The following SDK2 variants were observed in gnomAD, a reference collection of about 807,000 sequenced individuals.
SDK2 encodes protein sidekick-2.
In SDK2, 105 loss-of-function variants were observed where a neutral mutation model predicts 253.9. That is an observed-to-expected ratio of 0.41 (90% confidence interval 0.35 to 0.49). SDK2 has a LOEUF of 0.49. Among genes scored for constraint, SDK2 ranks in the 20% least tolerant of loss-of-function variants. SDK2 has a pLI of 0.06. For missense variants in SDK2, 2,608 were observed against 3,003.0 expected (o/e 0.87, Z 3.07); for synonymous variants, 1,249 against 1,234.9 (o/e 1.01, Z -0.24).
chr17:73,624,206 T>A (rs546355793), intron 1 of SDK2, among the ~76,000 whole-genome samples: 6 of 152,218 alleles, frequency 3.9e-5, no homozygotes, highest in African/African-American at 1.2e-4. Context: ...ATAGTTCATA[T>A]TTTTGGGCTG....
rs2063612674 is a variant in SDK2, at chr17:73,467,740, G to A, written c.331+4372C>T. Among the ~76,000 whole-genome samples, 1 of 152,202 alleles carries A rather than the reference G, an allele frequency of 6.6e-6. No homozygotes were observed. Among genetic ancestry groups the A allele is most frequent in the Non-Finnish European group, 1.5e-5 (1 of 68,042 alleles). ...TCAAGGGTCGGAAGGACTTCCTAGG[G>A]CTTTTCTAACTTCCTGGCTTTAGGG... On this transcript the variant is annotated intron_variant, in intron 3 of 44. Transcript: ENST00000392650. The surrounding 1 kb of genome is among the most constrained non-coding windows in gnomAD (Gnocchi z 4.1).
chr17:73,350,063 G>A (rs1406408138), intron 43 of SDK2, among the ~76,000 whole-genome samples, 174 bp downstream of exon 43: 1 of 152,174 alleles, frequency 6.6e-6, no homozygotes, highest in African/African-American at 2.4e-5. Flanking sequence ...TAGTTGTCCT[G>A]CTTGGGCCCC....
chr17:73,588,197 A>ACCCC (rs57740393), intron 1 of SDK2, among the ~76,000 whole-genome samples: 8 of 130,910 alleles, frequency 6.1e-5, no homozygotes, highest in African/African-American at 2.0e-4. Context: ...ACATGGAGAG[A>ACCCC]CCCCCCCCCC....
rs1338874836 is a variant in SDK2 at position 73,465,060 on chromosome 17, A to C, written c.331+7052T>G. Among the ~76,000 whole-genome samples the C allele has an allele frequency of 6.6e-6, 1 of 152,144 alleles. No individual in the cohort carries two copies. The highest frequency in any genetic ancestry group is 2.4e-5 in the African/African-American group (1 of 41,422). On this transcript the variant is annotated intron_variant, in intron 3 of 44. Coordinates refer to ENST00000392650, the MANE Select transcript of SDK2 (RefSeq NM_001144952.2). The surrounding 1 kb of genome is among the most constrained non-coding windows in gnomAD (Gnocchi z 4.2). ...TACTCAGGTAACATGAGTGCTCCAG[A>C]AAGACACATTGATGTTATCAGGAAC...
At chr17:73,591,966 C>A (rs1040346283) in intron 1 of SDK2, among the ~76,000 whole-genome samples, 3 of 152,172 alleles carry the variant, frequency 2.0e-5, no homozygotes, top group Admixed American at 2.0e-4. Context: ...GCACACCCAG[C>A]CTCTCTGGGG....
intron 1 of SDK2, among the ~76,000 whole-genome samples, chr17:73,523,690 C>T (rs981813570): frequency 2.0e-5 from 3 of 152,050 alleles, no homozygotes; most frequent in Non-Finnish European, 2.9e-5. Flanking sequence ...TCCAGAACTG[C>T]GCGACAAGAA....
intron 1 of SDK2, among the ~76,000 whole-genome samples, chr17:73,594,527 G>A (rs561854386): frequency 2.0e-5 from 3 of 152,068 alleles, no homozygotes; most frequent in Non-Finnish European, 2.9e-5. Flanking sequence ...TATCACAGAA[G>A]CAAGCTGGAG....
intron 42 of SDK2, 63 bp downstream of exon 42, chr17:73,350,587 T>G: frequency 6.4e-7 from 1 of 1,557,766 alleles, no homozygotes; most frequent in Admixed American, 1.8e-5. Flanking sequence ...ACCCCTGTTC[T>G]GGCCAAAAAG....
intron 1 of SDK2, among the ~76,000 whole-genome samples, chr17:73,564,103 G>A (rs1359976168): frequency 6.6e-6 from 1 of 152,102 alleles, no homozygotes; most frequent in Non-Finnish European, 1.5e-5. Flanking sequence ...AACTTCTTTT[G>A]TATTCACCTT....
chr17:73,466,742 A>G (rs887827335), intron 3 of SDK2, among the ~76,000 whole-genome samples: 4 of 127,968 alleles, frequency 3.1e-5, no homozygotes, highest in Non-Finnish European at 4.8e-5. Flanking sequence ...TAGGCTCTGC[A>G]TCTTTGGGGG....
At position 73,375,815 on chromosome 17, in the gene SDK2, C is replaced by A. The variant is rs975573507; in HGVS notation, c.4980+3362G>T. ...AGGTTGCAGTGAGCCAAGATCGCAC[C>A]ACTGCACTTCAGCCTGGGTGACAGA... On this transcript the variant is annotated intron_variant, in intron 36 of 44. Coordinates refer to ENST00000392650, the MANE Select transcript of SDK2 (RefSeq NM_001144952.2). Among the ~76,000 whole-genome samples the A allele has an allele frequency of 2.7e-5, 4 of 150,858 alleles. No homozygotes were observed. The East Asian group carries it at 7.8e-4, about 30-fold the overall frequency.
intron 11 of SDK2, 117 bp from the exon 12 acceptor site, chr17:73,430,730 G>A: frequency 1.5e-6 from 1 of 645,574 alleles, no homozygotes; most frequent in Non-Finnish European, 2.4e-6. Flanking sequence ...TGAGCTCCCT[G>A]GTACTTTAAT....
At chr17:73,617,993 G>A (rs2046082257) in intron 1 of SDK2, among the ~76,000 whole-genome samples, 1 of 152,200 alleles carries the variant, frequency 6.6e-6, no homozygotes, top group African/African-American at 2.4e-5. Context: ...GCTGCTGTCT[G>A]ACGAGTTAAC....
intron 36 of SDK2, among the ~76,000 whole-genome samples, chr17:73,370,097 C>T (rs1476134066): frequency 1.3e-5 from 2 of 152,188 alleles, no homozygotes; most frequent in African/African-American, 2.4e-5. Flanking sequence ...CTGCATGTCA[C>T]CGGCTTTTCA....
In SDK2 at chr17:73,612,318, C is replaced by T. The variant is rs2045985571; in HGVS notation, c.64+31707G>A. On this transcript the variant is annotated intron_variant, in intron 1 of 44. Transcript: ENST00000392650. This position sits in a 1 kb window ranked among gnomAD's most constrained non-coding sequence, Gnocchi z 4.4. ...GGCTGGCCCCGCATGGTCCCCTACC[C>T]TCATCGGGTCACTGTGACCCAGCTG... Among the ~76,000 whole-genome samples, 1 of 151,370 alleles carries T rather than the reference C, an allele frequency of 6.6e-6. No individual in the cohort carries two copies. Among genetic ancestry groups the T allele is most frequent in the East Asian group, 2.0e-4 (1 of 5,102 alleles).
chr17:73,387,092 C>A (rs1297910877), intron 30 of SDK2, among the ~76,000 whole-genome samples: 1 of 152,200 alleles, frequency 6.6e-6, no homozygotes, highest in African/African-American at 2.4e-5. Flanking sequence ...TCCTGAATAG[C>A]TGGGATTACA....
At chr17:73,526,884 C>T (rs1472378238) in intron 1 of SDK2, among the ~76,000 whole-genome samples, 1 of 152,234 alleles carries the variant, frequency 6.6e-6, no homozygotes, top group African/African-American at 2.4e-5. Context: ...AATTCCTCAA[C>T]ACAGAGGATC....
intron 1 of SDK2, among the ~76,000 whole-genome samples, chr17:73,615,101 T>C (rs2046036996): frequency 1.3e-5 from 2 of 152,114 alleles, no homozygotes; most frequent in African/African-American, 2.4e-5. Context: ...TTTTTCTCAT[T>C]GTCCTTGTTT....
chr17:73,497,253 C>A (rs1280017649), intron 2 of SDK2, among the ~76,000 whole-genome samples: 2 of 152,160 alleles, frequency 1.3e-5, no homozygotes, highest in Admixed American at 6.5e-5. Flanking sequence ...CTTCCTAAAC[C>A]AAGAACACAC....
Sources: allele counts gnomAD v4.1 joint callset (sites outside exome capture counted in the v4.1 genomes callset), GRCh38; gene constraint gnomAD v4.1.1; non-coding constraint Gnocchi (gnomAD v3.1); transcripts MANE v1.5; gene names NCBI Gene and HGNC (gene_info 2026-07-23, HGNC 2026-07-21).